Variants in LOXL2 observed in about 807,000 individuals in gnomAD.
LOXL2 encodes lysyl oxidase homolog 2.
A neutral mutation model predicts 93.0 loss-of-function variants in LOXL2; 70 were observed. That is an observed-to-expected ratio of 0.75 (90% CI 0.62 to 0.92). LOXL2 has a LOEUF of 0.92. Among genes scored for constraint, LOXL2 ranks in the 40% least tolerant of loss-of-function variants. LOXL2 has a pLI of 0.00. For missense variants in LOXL2, 973 were observed against 1,054.9 expected, an observed-to-expected ratio of 0.92 and a Z score of 1.08; for synonymous variants, 438 against 413.2, an observed-to-expected ratio of 1.06 and a Z score of -0.73.
chr8:23,380,399 A>AG (rs796347409), intron 1 of LOXL2, among the ~76,000 whole-genome samples: 16 of 146,504 alleles, frequency 1.1e-4, no homozygotes, highest in African/African-American at 3.8e-4. Context: ...CTCAAAAAAA[A>AG]AAAAAAAAAA....
At chr8:23,387,995 C>T in intron 1 of LOXL2, among the ~76,000 whole-genome samples, 1 of 152,256 alleles carries the variant, frequency 6.6e-6, no homozygotes, top group East Asian at 1.9e-4. Flanking sequence ...TATGAAACAT[C>T]TTTTCAGGCC....
At chr8:23,320,095 G>C in intron 7 of LOXL2, 43 bp from the exon 8 acceptor site, 1 of 1,604,852 alleles carries the variant, frequency 6.2e-7, no homozygotes, top group South Asian at 1.1e-5. Flanking sequence ...GAGGGACAAG[G>C]GAGCTTCCCC....
chr8:23,354,932 A>AATATAT (rs770424807), intron 3 of LOXL2, among the ~76,000 whole-genome samples: 30 of 59,188 alleles, frequency 5.1e-4, no homozygotes, highest in Non-Finnish European at 5.9e-4. Context: ...TGGGAGTTGG[A>AATATAT]ATATATATAT....
At chr8:23,333,702 G>C (rs1360150032) in intron 4 of LOXL2, 79 bp from the exon 5 acceptor site, 2 of 1,129,456 alleles carry the variant, frequency 1.8e-6, no homozygotes, top group African/African-American at 3.1e-5. Context: ...GGCAGAACAT[G>C]AGAGACTGGG....
rs1249814870 is a variant in LOXL2, at chr8:23,297,160, T to C, written c.*883A>G. On this transcript the variant is annotated 3_prime_UTR_variant, in exon 14 of 14. Coordinates refer to ENST00000389131, the MANE Select transcript of LOXL2 (RefSeq NM_002318.3). ...CTGCTCAGGGCCCAGGTGCTGTGGG[T>C]CAAAGGAAACACAGACACGTTTCAT... 1 of 152,128 alleles carries C rather than the reference T, an allele frequency of 6.6e-6. No homozygotes were observed. The highest frequency in any genetic ancestry group is 1.5e-5 in the Non-Finnish European group (1 of 68,006). The allele number at this position is 152,128 out of a possible 1,614,324, so 9.4% of individuals were successfully genotyped here.
intron 8 of LOXL2, among the ~76,000 whole-genome samples, chr8:23,319,164 G>C (rs1209236710): frequency 1.3e-5 from 2 of 152,188 alleles, no homozygotes; most frequent in Admixed American, 6.5e-5. Flanking sequence ...GTCACAGGGA[G>C]GACAACTGAG....
chr8:23,330,890 TGTG>T lies in LOXL2; in HGVS notation c.967-2328_967-2326del, dbSNP rs1474559987. On this transcript the variant is annotated intron_variant, in intron 5 of 13. Transcript: ENST00000389131. ...TGTCCTGGAGGCACACATATGATGG[TGTG>T]GTCCCCTCTGTGCTCTTCAGAGGCT... Among the ~76,000 whole-genome samples, 4 of 152,004 alleles carry T rather than the reference TGTG, an allele frequency of 2.6e-5. No homozygotes were observed. The East Asian group carries it at 7.8e-4, about 30-fold the overall frequency.
At chr8:23,343,687 C>T in intron 3 of LOXL2, among the ~76,000 whole-genome samples, 1 of 152,212 alleles carries the variant, frequency 6.6e-6, no homozygotes, top group East Asian at 1.9e-4. Context: ...GGCTCCGTTT[C>T]CTTTCCACCA....
rs1803561115 is a variant in LOXL2, at chr8:23,325,280, T to A, written c.1151-2999A>T. On this transcript the variant is annotated intron_variant, in intron 6 of 13. Transcript: ENST00000389131. ...ACTAGAAAATGCAAAGTTACATGCG[T>A]GGTTCCGGTTCTATTTGTTTTCTTT... Among the ~76,000 whole-genome samples the A allele has an allele frequency of 2.0e-5, 3 of 152,176 alleles. No individual in the cohort carries two copies. The South Asian group carries it at 6.2e-4, about 32-fold the overall frequency.
intron 3 of LOXL2, among the ~76,000 whole-genome samples, chr8:23,356,450 G>A (rs1043314489): frequency 5.9e-5 from 9 of 152,174 alleles, no homozygotes; most frequent in Non-Finnish European, 8.8e-5. Context: ...AATATCCCAC[G>A]TAGGTGGTCC....
chr8:23,354,949 ATTTTTTTTTT>A (rs60819350), intron 3 of LOXL2, among the ~76,000 whole-genome samples: 11,834 of 78,030 alleles, frequency 0.15, 916 homozygotes, highest in Middle Eastern at 0.21. Flanking sequence ...ATATATATAT[ATTTTTTTTTT>A]TTTTTTTTTT....
At chr8:23,315,460 G>C (rs1284341110) in intron 9 of LOXL2, among the ~76,000 whole-genome samples, 1 of 152,192 alleles carries the variant, frequency 6.6e-6, no homozygotes, top group Non-Finnish European at 1.5e-5. Context: ...TTCAGCCTAA[G>C]CTGTGGAGCA....
chr8:23,384,650 C>A (rs537133532), intron 1 of LOXL2, among the ~76,000 whole-genome samples: 2 of 152,262 alleles, frequency 1.3e-5, no homozygotes, highest in East Asian at 3.9e-4. Context: ...CGTGGTAGTT[C>A]ATGCCTGTAA....
intron 1 of LOXL2, among the ~76,000 whole-genome samples, chr8:23,376,390 C>G (rs193000614): frequency 2.0e-5 from 3 of 152,228 alleles, no homozygotes; most frequent in East Asian, 3.9e-4. Flanking sequence ...GGATATTGGT[C>G]TAAAATTCTC....
chr8:23,307,598 T>G (rs1426036214), intron 10 of LOXL2, among the ~76,000 whole-genome samples: 1 of 152,136 alleles, frequency 6.6e-6, no homozygotes, highest in East Asian at 1.9e-4. Context: ...GTTCCTACCA[T>G]GTAATCTGTG....
intron 3 of LOXL2, among the ~76,000 whole-genome samples, chr8:23,354,603 T>C (rs1249845702): frequency 6.6e-6 from 1 of 152,044 alleles, no homozygotes; most frequent in African/African-American, 2.4e-5. Flanking sequence ...TGTGTGTGTG[T>C]GTGTTCTCAC....
chr8:23,339,657 T>C (rs1472477330), intron 4 of LOXL2, among the ~76,000 whole-genome samples: 1 of 152,152 alleles, frequency 6.6e-6, no homozygotes, highest in Non-Finnish European at 1.5e-5. Context: ...TTTGCTTTTC[T>C]TGGCTCCGAC....
At chr8:23,341,794 C>G (rs1424689186) in intron 3 of LOXL2, among the ~76,000 whole-genome samples, 1 of 152,188 alleles carries the variant, frequency 6.6e-6, no homozygotes, top group Non-Finnish European at 1.5e-5. Context: ...AGAGAAGAAG[C>G]AGGGCTTAGA....
At chr8:23,344,129 G>A (rs144054262) in intron 3 of LOXL2, among the ~76,000 whole-genome samples, 6 of 152,284 alleles carry the variant, frequency 3.9e-5, no homozygotes, top group East Asian at 1.9e-4. Flanking sequence ...AAAGAGCTAC[G>A]CGGGCCTGAG....
Sources: gnomAD v4.1 joint callset for allele counts (sites outside exome capture counted in the v4.1 genomes callset) on GRCh38, gnomAD v4.1.1 for gene constraint, MANE v1.5 for transcripts, NCBI Gene and HGNC (gene_info 2026-07-23, HGNC 2026-07-21) for gene names.